Variants in STOX2 observed in about 807,000 individuals in gnomAD.
STOX2 encodes the protein storkhead box 2.
STOX2 carries 28 observed loss-of-function variants against 60.9 expected under a neutral mutation model. The observed-to-expected ratio is 0.46, with a 90% CI of 0.34 to 0.63. STOX2 has a LOEUF of 0.63. Among genes scored for constraint, STOX2 ranks in the 30% least tolerant of loss-of-function variants. The pLI, the probability that STOX2 is intolerant of heterozygous loss-of-function variation, is 0.01. For missense variants in STOX2, 1,024 were observed against 1,187.7 expected, an observed-to-expected ratio of 0.86 and a Z score of 2.03; for synonymous variants, 472 against 463.9, an observed-to-expected ratio of 1.02 and a Z score of -0.22.
At chr4:183,946,254 C>T (rs1742883273) in intron 1 of STOX2, among the ~76,000 whole-genome samples, 1 of 152,208 alleles carries the variant, frequency 6.6e-6, no homozygotes, top group African/African-American at 2.4e-5. Flanking sequence ...TGCTGTGCGA[C>T]TTCAGGCAAA....
chr4:183,896,446 A>T (rs57395941), intron 1 of STOX2, among the ~76,000 whole-genome samples: 34,225 of 152,174 alleles, frequency 0.22, 4,166 homozygotes, highest in Middle Eastern at 0.37. Context: ...AGACTCAAGC[A>T]GTGCTCCTGC....
At chr4:183,972,314 C>A (rs1743767587) in intron 1 of STOX2, among the ~76,000 whole-genome samples, 1 of 152,142 alleles carries the variant, frequency 6.6e-6, no homozygotes, top group South Asian at 2.1e-4. Context: ...TGTGGCTGAG[C>A]AAGGCAACTA....
chr4:183,871,889 G>A (rs150862390), intron 1 of STOX2, among the ~76,000 whole-genome samples: 1 of 152,202 alleles, frequency 6.6e-6, no homozygotes, highest in African/African-American at 2.4e-5. Flanking sequence ...GTATGGGTTT[G>A]TAAGAGAGAT....
intron 1 of STOX2, among the ~76,000 whole-genome samples, chr4:183,951,537 A>G (rs1436924662): frequency 1.6e-5 from 2 of 125,776 alleles, no homozygotes; most frequent in Non-Finnish European, 3.1e-5. Flanking sequence ...TGAAACCTCC[A>G]CCTCCCGGGT....
Position 184,010,102 on chromosome 4 carries a change from A to G in STOX2, c.1264A>G (p.Ile422Val). The G allele has an allele frequency of 6.2e-7, 1 of 1,600,866 alleles. No individual in the cohort carries two copies. Among genetic ancestry groups the G allele is most frequent in the African/African-American group, 1.3e-5 (1 of 74,836 alleles). ...FIIEHKGDNFIMHSNTNVLES... is the reference protein window; with the variant it reads ...FIIEHKGDNFVMHSNTNVLES... ...CATTGAACACAAAGGAGATAACTTC[A>G]TCATGCACAGCAACACAAACGTGCT... Residue 422 changes from isoleucine to valine, a missense_variant, in exon 3 of 4, where the codon ATC (isoleucine) becomes GTC (valine). This residue lies in a region of STOX2 where 922 missense variants were observed against 1,058.3 expected (regional missense o/e 0.87). Transcript: ENST00000308497. This position sits in a 1 kb window ranked among gnomAD's most constrained non-coding sequence, Gnocchi z 4.5.
intron 1 of STOX2, among the ~76,000 whole-genome samples, chr4:183,965,122 C>T (rs1743525122): frequency 6.6e-6 from 1 of 152,086 alleles, no homozygotes; most frequent in Non-Finnish European, 1.5e-5. Flanking sequence ...AGCAGTTATG[C>T]CGTGTTTATG....
At chr4:183,982,307 T>C (rs936692437) in intron 1 of STOX2, among the ~76,000 whole-genome samples, 2 of 152,248 alleles carry the variant, frequency 1.3e-5, no homozygotes, top group African/African-American at 2.4e-5. Context: ...CTAATACTTG[T>C]AAGAACACCA....
Position 183,961,743 on chromosome 4 carries a change from G to T in STOX2, c.167-39582G>T, listed in dbSNP as rs12186162. ...ATTTCTACCCCTCTATATGGTTTCC[G>T]TTTATATGGCTTTGTAAAGAAAGAC... On this transcript the variant is annotated intron_variant, in intron 1 of 3. Coordinates refer to ENST00000308497, the MANE Select transcript of STOX2 (RefSeq NM_020225.3). 2.0e-5 allele frequency among the ~76,000 whole-genome samples: 3 copies of T among 152,176 alleles called. No individual in the cohort carries two copies. The South Asian group carries it at 6.2e-4, about 31-fold the overall frequency.
At position 183,892,912 on chromosome 4, in the gene STOX2, A is replaced by T. The variant is rs2111184915; in HGVS notation, c.364+94857A>T. ...ACCAAACATGGATGGATTCCCTTAC[A>T]CCTAAAACTTAAGTAATTTAGCTTT... On this transcript the variant is annotated intron_variant, in intron 1 of 2. Transcript: ENST00000513034. Among the ~76,000 whole-genome samples, 3 of 152,166 alleles carry T rather than the reference A, an allele frequency of 2.0e-5. No individual in the cohort carries two copies. In the Middle Eastern group the frequency reaches 0.01, roughly 518 times the overall value.
chr4:183,994,377 A>G (rs1406349749), intron 1 of STOX2, among the ~76,000 whole-genome samples: 1 of 152,258 alleles, frequency 6.6e-6, no homozygotes, highest in Non-Finnish European at 1.5e-5. Context: ...AAGCTGAGCA[A>G]GACTTTGAAT....
At chr4:183,896,296 G>A (rs933219215) in intron 1 of STOX2, among the ~76,000 whole-genome samples, 6 of 152,188 alleles carry the variant, frequency 3.9e-5, no homozygotes, top group South Asian at 2.1e-4. Flanking sequence ...ATGTGTGGGA[G>A]TATCATCAGG....
rs761857877 is a variant in STOX2, at chr4:184,010,889, A to G, written c.2051A>G (p.His684Arg). ...GCCAACGGACGCCTCGTCCAGCACC[A>G]TGGTGCCGAGCCCAGCAGCTTGGAC... ...GIANGRLVQH[H>R]GAEPSSLDKR... The change falls in exon 3 of 4, where the codon CAT becomes CGT. Residue 684 changes from histidine to arginine, a missense_variant. His to Arg is a conservative substitution (Grantham distance 29). Around this residue, in one of 3 missense-constraint regions of STOX2, gnomAD observed 922 missense variants for 1,058.3 expected, o/e 0.87. Transcript: ENST00000308497. The surrounding 1 kb of genome is among the most constrained non-coding windows in gnomAD (Gnocchi z 4.5). 2.5e-6 allele frequency: 4 copies of G among 1,612,682 alleles called. No individual in the cohort carries two copies. The highest frequency in any genetic ancestry group is 1.1e-5 in the South Asian group (1 of 90,858).
chr4:183,857,301 C>T (rs1740313075), intron 1 of STOX2, among the ~76,000 whole-genome samples: 5 of 116,908 alleles, frequency 4.3e-5, no homozygotes, highest in South Asian at 2.9e-4. Flanking sequence ...GGTCATTCCA[C>T]AGGACTGGTT....
At chr4:183,799,218 T>C (rs1178973452) in intron 1 of STOX2, among the ~76,000 whole-genome samples, 3 of 152,210 alleles carry the variant, frequency 2.0e-5, no homozygotes, top group East Asian at 1.9e-4. Flanking sequence ...TTGACTTGAG[T>C]AGACAAAAAG....
intron 1 of STOX2, among the ~76,000 whole-genome samples, chr4:183,800,785 G>C (rs1336251277): frequency 6.6e-6 from 1 of 152,188 alleles, no homozygotes; most frequent in Non-Finnish European, 1.5e-5. Context: ...CATAGAGAGT[G>C]GTAATAAAAG....
At chr4:183,872,029 G>A (rs1177434151) in intron 1 of STOX2, among the ~76,000 whole-genome samples, 2 of 152,004 alleles carry the variant, frequency 1.3e-5, no homozygotes, top group Non-Finnish European at 2.9e-5. Flanking sequence ...TAAACTATAA[G>A]TTGTGCCAAG....
chr4:184,009,821 T>C lies in STOX2; in HGVS notation c.983T>C (p.Met328Thr), dbSNP rs1472193437. 5 of 1,612,128 alleles carry C rather than the reference T, an allele frequency of 3.1e-6. No individual in the cohort carries two copies. Among genetic ancestry groups the C allele is most frequent in the Non-Finnish European group, 4.2e-6 (5 of 1,179,226 alleles). The change falls in exon 3 of 4, where the codon ATG becomes ACG. Residue 328 changes from methionine to threonine, a missense_variant. Around this residue, in one of 3 missense-constraint regions of STOX2, gnomAD observed 922 missense variants for 1,058.3 expected, o/e 0.87. Coordinates refer to ENST00000308497, the MANE Select transcript of STOX2 (RefSeq NM_020225.3). This position sits in a 1 kb window ranked among gnomAD's most constrained non-coding sequence, Gnocchi z 4.0. ...INPDLTVENV[M>T]RHTALMKKLE... ...CCAGACCTGACCGTGGAAAATGTCA[T>C]GCGGCACACCGCGCTCATGAAGAAA...
At position 183,846,014 on chromosome 4, in the gene STOX2, G is replaced by GT. The variant is rs573977046; in HGVS notation, c.364+47964dup. ...GTTTACTAGTGACAAACCCTCTTGA[G>GT]TTTTTGTCTATCTTGGAATGCCTTA... On this transcript the variant is annotated intron_variant, in intron 1 of 2. Coordinates refer to the STOX2 transcript ENST00000513034. 1.6e-4 allele frequency among the ~76,000 whole-genome samples: 24 copies of GT among 152,264 alleles called. No individual in the cohort carries two copies. In the East Asian group the frequency reaches 2.1e-3, roughly 13 times the overall value.
chr4:183,962,068 A>G (rs1009055697), intron 1 of STOX2, among the ~76,000 whole-genome samples: 1 of 152,304 alleles, frequency 6.6e-6, no homozygotes, highest in Non-Finnish European at 1.5e-5. Context: ...TGTTACCTTC[A>G]TTTCTCTGGC....
Sources: gnomAD v4.1 joint callset for allele counts (sites outside exome capture counted in the v4.1 genomes callset) on GRCh38, gnomAD v4.1.1 for gene constraint, gnomAD v4.1.1 regional missense constraint, Gnocchi (gnomAD v3.1) non-coding constraint, MANE v1.5 for transcripts, NCBI Gene and HGNC (gene_info 2026-07-23, HGNC 2026-07-21) for gene names.